The following RBMS3 variants were observed in gnomAD, a reference collection of about 807,000 sequenced individuals.
RBMS3 encodes RNA-binding motif, single-stranded-interacting protein 3.
A neutral mutation model predicts 66.8 loss-of-function variants in RBMS3; 27 were observed. That is an observed-to-expected ratio of 0.40 (90% CI 0.30 to 0.56). The LOEUF (loss-of-function observed/expected upper bound fraction) is 0.56, where lower values mean the gene tolerates loss of function less well. Among genes scored for constraint, RBMS3 ranks in the 20% least tolerant of loss-of-function variants. RBMS3 has a pLI of 0.40. For missense variants in RBMS3, 513 were observed against 549.5 expected (o/e 0.93, Z 0.66); for synonymous variants, 188 against 183.0 (o/e 1.03, Z -0.22).
intron 1 of RBMS3, among the ~76,000 whole-genome samples, chr3:29,400,216 A>C (rs956390208): frequency 6.6e-6 from 1 of 152,174 alleles, no homozygotes; most frequent in Admixed American, 6.5e-5. Flanking sequence ...TTTATGGGCC[A>C]CTTACTGAGT....
intron 1 of RBMS3, among the ~76,000 whole-genome samples, chr3:29,393,437 C>T (rs1038278355): frequency 6.6e-5 from 10 of 152,254 alleles, no homozygotes; most frequent in South Asian, 2.1e-4. Context: ...TATGCACACA[C>T]ACACACAATT....
intron 2 of RBMS3, among the ~76,000 whole-genome samples, chr3:29,480,975 C>A (rs1368645070): frequency 1.3e-5 from 2 of 152,144 alleles, no homozygotes; most frequent in African/African-American, 2.4e-5. Flanking sequence ...TGAGAGGCAA[C>A]AAGTGTTGGC....
At chr3:29,519,057 T>TA (rs1212221038) in intron 3 of RBMS3, among the ~76,000 whole-genome samples, 2 of 152,138 alleles carry the variant, frequency 1.3e-5, no homozygotes, top group Non-Finnish European at 2.9e-5. Flanking sequence ...GAAAAAGTAA[T>TA]AATAGCATGA....
intron 4 of RBMS3, among the ~76,000 whole-genome samples, chr3:29,710,599 A>G (rs1467656922): frequency 6.6e-6 from 1 of 152,190 alleles, no homozygotes; most frequent in Non-Finnish European, 1.5e-5. Flanking sequence ...CTGAGTCCTC[A>G]AAAGGAATAG....
intron 8 of RBMS3, among the ~76,000 whole-genome samples, chr3:29,896,956 T>A (rs1208563762): frequency 3.3e-5 from 5 of 151,624 alleles, no homozygotes. Flanking sequence ...ACACAAAATA[T>A]CCATAACTTT....
At chr3:29,632,666 G>C (rs1292230762) in intron 4 of RBMS3, among the ~76,000 whole-genome samples, 1 of 151,796 alleles carries the variant, frequency 6.6e-6, no homozygotes, top group Non-Finnish European at 1.5e-5. Context: ...CAAAAGCCAA[G>C]GGAAATGACT....
chr3:29,342,461 C>G (rs2036331328), intron 1 of RBMS3, among the ~76,000 whole-genome samples: 1 of 152,096 alleles, frequency 6.6e-6, no homozygotes, highest in African/African-American at 2.4e-5. Context: ...ATTGGCACCT[C>G]CCATTTCTAT....
At chr3:29,692,433 GCATTATTATGCTTTA>G (rs2052067861) in intron 4 of RBMS3, among the ~76,000 whole-genome samples, 1 of 152,060 alleles carries the variant, frequency 6.6e-6, no homozygotes, top group Admixed American at 6.6e-5. Flanking sequence ...ATAACAATAA[GCATTATTATGCTTTA>G]GTGAGTTGAA....
At chr3:29,655,065 C>T (rs1047366723) in intron 4 of RBMS3, among the ~76,000 whole-genome samples, 8 of 152,150 alleles carry the variant, frequency 5.3e-5, no homozygotes, top group African/African-American at 1.4e-4. Context: ...CTTCCCCTTA[C>T]TCTTTCTTCC....
intron 1 of RBMS3, among the ~76,000 whole-genome samples, chr3:29,321,842 C>T (rs184440333): frequency 1.3e-5 from 2 of 152,210 alleles, no homozygotes; most frequent in Admixed American, 1.3e-4. Flanking sequence ...TGGGCACACT[C>T]GTCCTCTCTG....
intron 6 of RBMS3, among the ~76,000 whole-genome samples, chr3:29,802,204 G>T (rs1196260003): frequency 6.6e-6 from 1 of 152,132 alleles, no homozygotes; most frequent in Non-Finnish European, 1.5e-5. Flanking sequence ...ATCAGATTAA[G>T]GATCAGCCCA....
intron 1 of RBMS3, among the ~76,000 whole-genome samples, chr3:29,418,594 T>C (rs1162776687): frequency 6.6e-6 from 1 of 152,150 alleles, no homozygotes; most frequent in Non-Finnish European, 1.5e-5. Flanking sequence ...TCTGCATGAC[T>C]AAACTGGGAG....
chr3:29,589,637 C>T (rs561387156), intron 4 of RBMS3, among the ~76,000 whole-genome samples: 2 of 152,214 alleles, frequency 1.3e-5, no homozygotes, highest in East Asian at 3.9e-4. Context: ...GCAGATTTCT[C>T]ACTGAGCTAT....
At chr3:29,680,876 A>G (rs554899281) in intron 4 of RBMS3, among the ~76,000 whole-genome samples, 21 of 152,352 alleles carry the variant, frequency 1.4e-4, no homozygotes, top group African/African-American at 5.0e-4. Context: ...ACAATGAAAT[A>G]CAGGAATCTT....
chr3:29,385,199 G>A lies in RBMS3; in HGVS notation c.76-49544G>A, dbSNP rs78914818. ...GAGAAAAATTAACCAGTTTGTTTTG[G>A]CAGGCTATTCTGGAGCACATGCTAA... On this transcript the variant is annotated intron_variant, in intron 1 of 14. Transcript: ENST00000383767. 5.9e-3 allele frequency among the ~76,000 whole-genome samples: 903 copies of A among 152,182 alleles called. 10 individuals carry two copies. The highest frequency in any genetic ancestry group is 0.021 in the African/African-American group (853 of 41,518).
chr3:29,583,892 G>GA (rs1486132229), intron 3 of RBMS3, among the ~76,000 whole-genome samples: 3 of 150,788 alleles, frequency 2.0e-5, no homozygotes, highest in Non-Finnish European at 4.4e-5. Flanking sequence ...AATCAGGTGG[G>GA]AAATAGACAC....
chr3:29,882,847 T>C (rs956701994), intron 7 of RBMS3, among the ~76,000 whole-genome samples: 1 of 152,104 alleles, frequency 6.6e-6, no homozygotes, highest in East Asian at 1.9e-4. Context: ...TTTCTTATCC[T>C]TTACAAAACT....
At chr3:29,673,990 T>G (rs1559556943) in intron 4 of RBMS3, among the ~76,000 whole-genome samples, 1 of 152,182 alleles carries the variant, frequency 6.6e-6, no homozygotes. Context: ...TGAACATCGA[T>G]GCAAAAATCC....
At chr3:29,698,184 A>G in intron 4 of RBMS3, 1 of 980,748 alleles carries the variant, frequency 1.0e-6, no homozygotes, top group Non-Finnish European at 1.2e-6. Context: ...CTGTTATTCT[A>G]TTTATAGCCA....
Sources: allele counts gnomAD v4.1 joint callset (sites outside exome capture counted in the v4.1 genomes callset), GRCh38; gene constraint gnomAD v4.1.1; transcripts MANE v1.5; gene names NCBI Gene and HGNC (gene_info 2026-07-23, HGNC 2026-07-21).